The following PLSCR5 variants were observed in gnomAD, a reference collection of about 807,000 sequenced individuals.
The protein encoded by PLSCR5 is phospholipid scramblase family member 5, also known as phospholipid scramblase family, member 5.
PLSCR5 carries 44 observed loss-of-function variants against 33.6 expected under a neutral mutation model. The observed-to-expected ratio is 1.31, with a 90% CI of 1.03 to 1.69. PLSCR5 has a LOEUF of 1.69. PLSCR5 is among the 40% of genes most tolerant of loss of function. The pLI is 0.00. For missense variants in PLSCR5, 375 were observed against 318.7 expected (o/e 1.18, Z -1.34); for synonymous variants, 148 against 112.3 (o/e 1.32, Z -2.01).
rs753743176 is a variant in PLSCR5, at chr3:146,591,885, T to C, written c.454-4A>G. ...CAGGAGGGGCTTGGATTTCTAACTG[T>C]AAGAAGAGATAATGATAAAATAAGA... On this transcript the variant is annotated splice_polypyrimidine_tract_variant and splice_region_variant and intron_variant, in intron 4 of 7. Transcript: ENST00000443512. 2 of 1,580,494 alleles carry C rather than the reference T, an allele frequency of 1.3e-6. No individual in the cohort carries two copies. The highest frequency in any genetic ancestry group is 1.2e-5 in the South Asian group (1 of 85,180).
rs992389878 is a variant in PLSCR5, at chr3:146,595,050, G to A, written c.223C>T (p.Leu75=). The A allele has an allele frequency of 7.0e-7, 1 of 1,432,812 alleles. No individual in the cohort carries two copies. Among genetic ancestry groups the A allele is most frequent in the Non-Finnish European group, 9.3e-7 (1 of 1,077,952 alleles). The allele number at this position is 1,432,812 out of a possible 1,614,324, so 88.8% of individuals were successfully genotyped here. Residue 75 remains leucine (L), a synonymous_variant, in exon 3 of 8, where the codon CTG becomes TTG. Transcript: ENST00000443512. ...DLIIIHQQVE[L]LGMILGTETS... ...TATATAATGCACTTACTTCCAAGCAGCTCCACCTGCTGGTGTATAATTATC... is the reference window on the plus strand; with the variant it reads ...TATATAATGCACTTACTTCCAAGCAACTCCACCTGCTGGTGTATAATTATC...
chr3:146,591,965 A>C (rs2044719960), intron 4 of PLSCR5, 84 bp from the exon 5 acceptor site: 2 of 1,126,420 alleles, frequency 1.8e-6, no homozygotes, highest in Non-Finnish European at 2.5e-6. Context: ...ACCTGTAAAC[A>C]ATATACTGTT....
At chr3:146,587,756 C>G (rs2044677297) in intron 6 of PLSCR5, among the ~76,000 whole-genome samples, 1 of 152,042 alleles carries the variant, frequency 6.6e-6, no homozygotes, top group South Asian at 2.1e-4. Flanking sequence ...ACCTAGCACT[C>G]TATAGATATT....
chr3:146,596,418 T>A (rs561169206), intron 2 of PLSCR5, among the ~76,000 whole-genome samples: 85 of 152,302 alleles, frequency 5.6e-4, no homozygotes, highest in Non-Finnish European at 9.7e-4. Context: ...CTCAAATTCC[T>A]GGCCTCAAGT....
At chr3:146,595,152 T>C (rs561614553) in intron 2 of PLSCR5, 69 bp from the exon 3 acceptor site, 3 of 885,684 alleles carry the variant, frequency 3.4e-6, no homozygotes, top group Non-Finnish European at 3.2e-6. Context: ...GAGATACTAC[T>C]AGTACCCTAT....
intron 7 of PLSCR5, among the ~76,000 whole-genome samples, chr3:146,577,495 G>T (rs1388219468): frequency 3.3e-5 from 5 of 152,098 alleles, no homozygotes; most frequent in Non-Finnish European, 7.4e-5. Context: ...GAAAATCAGA[G>T]TTGGGACTCT....
chr3:146,591,938 T>C, intron 4 of PLSCR5, 57 bp from the exon 5 acceptor site: 1 of 1,383,198 alleles, frequency 7.2e-7, no homozygotes, highest in Non-Finnish European at 9.7e-7. Flanking sequence ...ATTTTAATTT[T>C]ACTATAATGT....
chr3:146,579,874 C>G (rs1246067193), intron 7 of PLSCR5, among the ~76,000 whole-genome samples: 2 of 152,206 alleles, frequency 1.3e-5, no homozygotes, highest in Non-Finnish European at 2.9e-5. Context: ...TCATTAAGCA[C>G]ATTCTGATCT....
At chr3:146,597,317 C>T (rs954956314) in intron 2 of PLSCR5, among the ~76,000 whole-genome samples, 1 of 152,022 alleles carries the variant, frequency 6.6e-6, no homozygotes, top group South Asian at 2.1e-4. Flanking sequence ...AGATAAATAT[C>T]ATTAATTTTA....
At chr3:146,601,781 A>G (rs2044818143) in intron 1 of PLSCR5, among the ~76,000 whole-genome samples, 1 of 152,142 alleles carries the variant, frequency 6.6e-6, no homozygotes, top group Admixed American at 6.6e-5. Flanking sequence ...TGGTGAAGAA[A>G]CATCTTTATC....
At chr3:146,603,536 A>C (rs886632728) in intron 1 of PLSCR5, among the ~76,000 whole-genome samples, 1 of 152,186 alleles carries the variant, frequency 6.6e-6, no homozygotes, top group South Asian at 2.1e-4. Context: ...TCATTATGGA[A>C]CATCACTGCT....
At chr3:146,593,444 C>T (rs2044731394) in intron 4 of PLSCR5, among the ~76,000 whole-genome samples, 1 of 152,128 alleles carries the variant, frequency 6.6e-6, no homozygotes, top group Non-Finnish European at 1.5e-5. Flanking sequence ...AGAACAATAA[C>T]ATTGTCTTGC....
At position 146,591,801 on chromosome 3, in the gene PLSCR5, G is replaced by T. The variant is rs756037414; in HGVS notation, c.534C>A (p.Ile178=). 12 of 1,612,206 alleles carry T rather than the reference G, an allele frequency of 7.4e-6. No individual in the cohort carries two copies. In the East Asian group the frequency reaches 2.7e-4, roughly 36 times the overall value. Reference sequence around the variant, plus strand: ...AAATATCTTCTTTGTTTGCATTTTGGATTGTGAATTTAGGCAGAAAGGGGT... The same window carrying T: ...AAATATCTTCTTTGTTTGCATTTTGTATTGTGAATTTAGGCAGAAAGGGGT... ...KWDPFLPKFT[I]QNANKEDILK... is the part of the protein sequence containing the mutation. The change falls in exon 5 of 8, where the codon ATC becomes ATA. Residue 178 remains isoleucine (I), a synonymous_variant. Transcript: ENST00000443512.
Position 146,593,940 on chromosome 3 carries a change from A to G in PLSCR5, c.433T>C (p.Cys145Arg). 6.2e-7 allele frequency: 1 copy of G among 1,613,754 alleles called. No individual in the cohort carries two copies. Among genetic ancestry groups the G allele is most frequent in the African/African-American group, 1.3e-5 (1 of 75,044 alleles). Residue 145 changes from cysteine (C) to arginine (R), a missense_variant, in exon 4 of 8, where the codon TGC becomes CGC. Physicochemically the swap from Cys to Arg is radical, Grantham distance 180. Coordinates refer to ENST00000443512, the MANE Select transcript of PLSCR5 (RefSeq NM_001085420.2). Reference sequence around the variant, plus strand: ...CTAACCTCTTGTAGGTAGCAAGGGCACCAGCAGCTGTTACATCTCAAGGGC... The same window carrying G: ...CTAACCTCTTGTAGGTAGCAAGGGCGCCAGCAGCTGTTACATCTCAAGGGC... Reference protein sequence around the residue: ...NRPLRCNSCWCPCYLQELEIQ... With the variant: ...NRPLRCNSCWRPCYLQELEIQ...
chr3:146,599,433 C>G (rs897612807), intron 2 of PLSCR5, among the ~76,000 whole-genome samples: 1 of 152,000 alleles, frequency 6.6e-6, no homozygotes, highest in Non-Finnish European at 1.5e-5. Context: ...CCTTAACAAC[C>G]TCTCTCTCCT....
chr3:146,584,083 T>C (rs945286626), downstream of PLSCR5, among the ~76,000 whole-genome samples: 2 of 152,186 alleles, frequency 1.3e-5, no homozygotes, highest in African/African-American at 4.8e-5. Context: ...TACTGACTGA[T>C]TTTCCTTTGT....
intron 1 of PLSCR5, among the ~76,000 whole-genome samples, chr3:146,604,145 T>C (rs561160720): frequency 2.6e-5 from 4 of 152,222 alleles, no homozygotes; most frequent in Non-Finnish European, 5.9e-5. Context: ...ATTTAAAAGG[T>C]TTTCACCAAT....
intron 6 of PLSCR5, among the ~76,000 whole-genome samples, chr3:146,589,381 G>T (rs1004019351): frequency 1.3e-5 from 2 of 152,094 alleles, no homozygotes. Context: ...GTAAAAGCAA[G>T]GGGAAACTAG....
intron 6 of PLSCR5, among the ~76,000 whole-genome samples, chr3:146,588,607 A>G (rs1257149206): frequency 6.6e-6 from 1 of 152,158 alleles, no homozygotes; most frequent in East Asian, 1.9e-4. Flanking sequence ...TCCAGGTGAA[A>G]AGAAACAAAT....
Sources: gnomAD v4.1 joint callset for allele counts (sites outside exome capture counted in the v4.1 genomes callset) on GRCh38, gnomAD v4.1.1 for gene constraint, MANE v1.5 for transcripts, NCBI Gene and HGNC (gene_info 2026-07-23, HGNC 2026-07-21) for gene names.